The following PCDH9 variants were observed in gnomAD, a reference collection of about 807,000 sequenced individuals.
The protein encoded by PCDH9 is protocadherin-9.
In PCDH9, 24 loss-of-function variants were observed where a neutral mutation model predicts 70.6. That is an observed-to-expected ratio of 0.34 (90% confidence interval 0.25 to 0.48). The LOEUF (loss-of-function observed/expected upper bound fraction) is 0.48, where lower values mean the gene tolerates loss of function less well. Among genes scored for constraint, PCDH9 ranks in the 20% least tolerant of loss-of-function variants. The pLI, the probability that PCDH9 is intolerant of heterozygous loss-of-function variation, is 0.99. For synonymous variants in PCDH9, 562 were observed against 558.5 expected (o/e 1.01, Z -0.09); for missense variants, 1,281 against 1,503.6 (o/e 0.85, Z 2.45).
chr13:67,155,867 C>T (rs749565700), intron 2 of PCDH9, among the ~76,000 whole-genome samples: 2 of 151,936 alleles, frequency 1.3e-5, no homozygotes, highest in African/African-American at 4.8e-5. Context: ...CCTTAGAAAC[C>T]CAACTCAAAT....
intron 2 of PCDH9, chr13:67,208,464 TTA>T (rs1021677992): frequency 7.6e-4 from 116 of 152,232 alleles, no homozygotes; most frequent in African/African-American, 2.7e-3. Context: ...TTAATAATAT[TTA>T]TGTCACTTTT....
intron 2 of PCDH9, among the ~76,000 whole-genome samples, chr13:67,013,650 C>A (rs183241297): frequency 3.9e-5 from 6 of 151,974 alleles, no homozygotes; most frequent in Admixed American, 3.9e-4. Flanking sequence ...ACTGAGCCTG[C>A]TCACTTATCA....
chr13:67,101,306 T>C lies in PCDH9; in HGVS notation c.3036+124099A>G, dbSNP rs116292574. Among the ~76,000 whole-genome samples the C allele has an allele frequency of 7.5e-3, 1,148 of 152,354 alleles. 18 individuals carry two copies. Among genetic ancestry groups the C allele is most frequent in the African/African-American group, 0.026 (1,066 of 41,580 alleles). On this transcript the variant is annotated intron_variant, in intron 2 of 4. Coordinates refer to ENST00000377865, the MANE Select transcript of PCDH9 (RefSeq NM_203487.3). ...AAACATCATTCACTGAATGAGCTTC[T>C]GTGCAGCTGGAAAAAAAAGTTAAGG...
intron 2 of PCDH9, among the ~76,000 whole-genome samples, chr13:67,052,797 G>A (rs184834530): frequency 2.5e-4 from 38 of 152,142 alleles, no homozygotes; most frequent in African/African-American, 8.9e-4. Context: ...GGAAGGTGGG[G>A]GATCAAAGGA....
intron 4 of PCDH9, among the ~76,000 whole-genome samples, chr13:66,366,089 G>A (rs1175017520): frequency 6.6e-6 from 1 of 151,830 alleles, no homozygotes; most frequent in Admixed American, 6.6e-5. Flanking sequence ...TTAATACTAG[G>A]ATTTACCAAA....
At chr13:66,704,610 A>G (rs1223939226) in intron 3 of PCDH9, among the ~76,000 whole-genome samples, 1 of 152,206 alleles carries the variant, frequency 6.6e-6, no homozygotes, top group African/African-American at 2.4e-5. Context: ...TACAAATTGT[A>G]GGAAATTATT....
chr13:66,730,856 T>TTGTTTTTTGTGTGTGTG (rs1186169990), intron 3 of PCDH9, among the ~76,000 whole-genome samples: 1 of 105,788 alleles, frequency 9.5e-6, no homozygotes, highest in African/African-American at 3.1e-5. Flanking sequence ...TTTTTTGTTT[T>TTGTTTTTTGTGTGTGTG]TGTTTTTTTG....
At chr13:66,465,231 C>A (rs1958496205) in intron 4 of PCDH9, among the ~76,000 whole-genome samples, 1 of 151,720 alleles carries the variant, frequency 6.6e-6, no homozygotes, top group South Asian at 2.1e-4. Flanking sequence ...CTTAATAAAA[C>A]CTTTAACCAG....
In PCDH9 at chr13:66,927,713, G is replaced by C. The variant is rs1331220526; in HGVS notation, c.3037-24108C>G. ...TCTTTACATGTTCTTCCCTCCATGA[G>C]TGTCTGTGTACTAATCTCTTCTTAT... On this transcript the variant is annotated intron_variant, in intron 2 of 4. Coordinates refer to ENST00000377865, the MANE Select transcript of PCDH9 (RefSeq NM_203487.3). 3.9e-5 allele frequency among the ~76,000 whole-genome samples: 6 copies of C among 152,008 alleles called. No individual in the cohort carries two copies. The East Asian group carries it at 1.2e-3, about 30-fold the overall frequency.
chr13:66,975,590 T>C (rs1489662347), intron 2 of PCDH9, among the ~76,000 whole-genome samples: 2 of 151,948 alleles, frequency 1.3e-5, no homozygotes, highest in Non-Finnish European at 2.9e-5. Flanking sequence ...CTAAACATTT[T>C]TTAGAGCAAA....
chr13:66,556,487 C>T (rs1282576843), intron 4 of PCDH9, among the ~76,000 whole-genome samples: 1 of 151,954 alleles, frequency 6.6e-6, no homozygotes, highest in Non-Finnish European at 1.5e-5. Context: ...TTCCATTGCC[C>T]CAAACTGGTC....
intron 2 of PCDH9, among the ~76,000 whole-genome samples, chr13:66,979,004 T>G (rs187359477): frequency 1.3e-5 from 2 of 152,118 alleles, no homozygotes; most frequent in South Asian, 2.1e-4. Flanking sequence ...ACATTTTATT[T>G]ATAAGGAACA....
intron 4 of PCDH9, among the ~76,000 whole-genome samples, chr13:66,374,898 A>C (rs1956721713): frequency 1.3e-5 from 2 of 152,116 alleles, no homozygotes; most frequent in Non-Finnish European, 2.9e-5. Context: ...GTAGATCATC[A>C]CAGCTAATGT....
rs2077180848 is a variant in PCDH9 at position 66,602,945 on chromosome 13, T to C, written c.3340+28265A>G. Among the ~76,000 whole-genome samples the C allele has an allele frequency of 1.4e-5, 2 of 146,108 alleles. 1 individual carries two copies. The highest frequency in any genetic ancestry group is 4.9e-5 in the African/African-American group (2 of 40,506). ...CTACAGTATTCAATATAGTAACATG[T>C]TGTACATGTTTGTAGCCTAGGAGCA... On this transcript the variant is annotated intron_variant, in intron 4 of 4. Coordinates refer to ENST00000377865, the MANE Select transcript of PCDH9 (RefSeq NM_203487.3).
intron 4 of PCDH9, among the ~76,000 whole-genome samples, chr13:66,491,847 C>T (rs569047580): frequency 6.6e-6 from 1 of 152,114 alleles, no homozygotes; most frequent in African/African-American, 2.4e-5. Context: ...ATTAGTCACA[C>T]CTAGTGCAGG....
intron 3 of PCDH9, among the ~76,000 whole-genome samples, chr13:66,687,142 C>A (rs1225453715): frequency 6.6e-6 from 1 of 152,074 alleles, no homozygotes; most frequent in Non-Finnish European, 1.5e-5. Flanking sequence ...ATCACAAGCT[C>A]CAATAAGCCA....
chr13:67,046,084 G>A (rs754620228), intron 2 of PCDH9, among the ~76,000 whole-genome samples: 5 of 152,000 alleles, frequency 3.3e-5, no homozygotes, highest in Non-Finnish European at 7.4e-5. Flanking sequence ...TTCCACAATT[G>A]GCCAGTGGCC....
At chr13:66,954,745 C>A (rs1028683120) in intron 2 of PCDH9, among the ~76,000 whole-genome samples, 1 of 152,200 alleles carries the variant, frequency 6.6e-6, no homozygotes, top group East Asian at 1.9e-4. Context: ...ACTTGCTCTT[C>A]CTGAGATAGA....
chr13:67,156,429 G>A (rs1363157010), intron 2 of PCDH9, among the ~76,000 whole-genome samples: 1 of 152,008 alleles, frequency 6.6e-6, no homozygotes, highest in African/African-American at 2.4e-5. Context: ...GAGCATGGCA[G>A]CTGAAGAGCA....
Sources: gnomAD v4.1 joint callset for allele counts (sites outside exome capture counted in the v4.1 genomes callset) on GRCh38, gnomAD v4.1.1 for gene constraint, MANE v1.5 for transcripts, NCBI Gene and HGNC (gene_info 2026-07-23, HGNC 2026-07-21) for gene names.